Variants in CACNA2D3 observed in about 807,000 individuals in gnomAD.
CACNA2D3 encodes calcium voltage-gated channel auxiliary subunit alpha2delta 3, also known as voltage-dependent calcium channel subunit alpha-2/delta-3.
Under a neutral mutation model 160.6 loss-of-function variants are expected in CACNA2D3, and 60 were observed. That is an observed-to-expected ratio of 0.37 (90% CI 0.30 to 0.46). The LOEUF (loss-of-function observed/expected upper bound fraction) is 0.46. Among genes scored for constraint, CACNA2D3 ranks in the 20% least tolerant of loss-of-function variants. The pLI, the probability that CACNA2D3 is intolerant of heterozygous loss-of-function variation, is 1.00. For synonymous variants in CACNA2D3, 558 were observed against 492.9 expected (o/e 1.13, Z -1.75); for missense variants, 1,205 against 1,365.0 (o/e 0.88, Z 1.85).
At position 54,808,882 on chromosome 3, in the gene CACNA2D3, C is replaced by T. The variant is rs556344310; in HGVS notation, c.1381-7971C>T. Among the ~76,000 whole-genome samples the T allele has an allele frequency of 2.6e-5, 4 of 152,220 alleles. No homozygotes were observed. The East Asian group carries it at 7.7e-4, about 29-fold the overall frequency. On this transcript the variant is annotated intron_variant, in intron 13 of 37. Coordinates refer to ENST00000474759, the MANE Select transcript of CACNA2D3 (RefSeq NM_018398.3). ...CCATGAGGTTGGTGATTACTGTAAC[C>T]TCTCATACGCTATCGGATTGGAGCC...
At chr3:54,496,943 T>C (rs1701212372) in intron 4 of CACNA2D3, among the ~76,000 whole-genome samples, 1 of 152,274 alleles carries the variant, frequency 6.6e-6, no homozygotes, top group East Asian at 1.9e-4. Context: ...CAGCTTTATT[T>C]CTGCACTCTC....
In CACNA2D3 at chr3:54,846,427, A is replaced by G. The variant is rs1452574827; in HGVS notation, c.1586A>G (p.Asn529Ser). 1 of 1,607,478 alleles carries G rather than the reference A, an allele frequency of 6.2e-7. No homozygotes were observed. The highest frequency in any genetic ancestry group is 8.5e-7 in the Non-Finnish European group (1 of 1,176,672). The stretch of plus-strand genomic sequence containing the variant: ...CACGGTTATGCCTTTGCAATCACAA[A>G]TAATGGATATATCCTGACGCATCCG... ...GIHGYAFAIT[N>S]NGYILTHPEL... The change falls in exon 17 of 38, where the codon AAT becomes AGT. Residue 529 changes from asparagine (N) to serine (S), a missense_variant. This residue lies in a region of CACNA2D3 where 911 missense variants were observed against 1,002.2 expected (regional missense o/e 0.91). Coordinates refer to ENST00000474759, the MANE Select transcript of CACNA2D3 (RefSeq NM_018398.3).
chr3:54,784,710 C>G (rs1266300384), intron 13 of CACNA2D3, among the ~76,000 whole-genome samples: 1 of 152,144 alleles, frequency 6.6e-6, no homozygotes, highest in African/African-American at 2.4e-5. Flanking sequence ...GAAGATGGGA[C>G]AAATGAAAAG....
chr3:54,570,144 AT>A, intron 8 of CACNA2D3, 40 bp downstream of exon 8: 3 of 1,599,818 alleles, frequency 1.9e-6, no homozygotes, highest in Non-Finnish European at 1.7e-6. Context: ...ACTTGGGTTC[AT>A]TTGATCTTTT....
At chr3:54,820,173 CTG>C (rs1221103299) in intron 14 of CACNA2D3, among the ~76,000 whole-genome samples, 1 of 152,146 alleles carries the variant, frequency 6.6e-6, no homozygotes, top group African/African-American at 2.4e-5. Context: ...TGCATTTGCG[CTG>C]TGTTTTTGTT....
At chr3:54,242,813 C>T (rs1418144359) in intron 2 of CACNA2D3, among the ~76,000 whole-genome samples, 2 of 152,114 alleles carry the variant, frequency 1.3e-5, no homozygotes, top group Non-Finnish European at 2.9e-5. Flanking sequence ...AAAGCAAAAC[C>T]GTGGATAAGG....
intron 13 of CACNA2D3, among the ~76,000 whole-genome samples, chr3:54,769,166 G>A (rs1702273153): frequency 6.6e-6 from 1 of 152,074 alleles, no homozygotes; most frequent in South Asian, 2.1e-4. Context: ...GAACTCATCT[G>A]CAGAGTCTAA....
At position 54,252,100 on chromosome 3, in the gene CACNA2D3, G is replaced by GTTTTTTTTTTTTTTTTTTTTTTTTTT. The variant is rs548233026; in HGVS notation, c.205-68328_205-68327insTTTTTTTTTTTTTTTTTTTTTTTTTT. ...TCCAATTTCTCTTTTTGCAGAGCTA[G>GTTTTTTTTTTTTTTTTTTTTTTTTTT]TTTTTTTTTTTTTTGTACGATACTC... On this transcript the variant is annotated intron_variant, in intron 2 of 37. Transcript: ENST00000474759. Among the ~76,000 whole-genome samples, 13 of 120,970 alleles carry GTTTTTTTTTTTTTTTTTTTTTTTTTT rather than the reference G, an allele frequency of 1.1e-4. 1 individual carries two copies. The highest frequency in any genetic ancestry group is 3.8e-4 in the African/African-American group (11 of 29,204). The allele number at this position is 120,970 out of a possible 152,430, so 79.4% of individuals were successfully genotyped here.
At chr3:54,933,362 G>A (rs1415554283) in intron 27 of CACNA2D3, among the ~76,000 whole-genome samples, 3 of 152,108 alleles carry the variant, frequency 2.0e-5, no homozygotes, top group Admixed American at 6.5e-5. Context: ...AGGTTGACAG[G>A]GGCCTGGGCT....
chr3:54,569,773 C>T, intron 6 of CACNA2D3, 22 bp from the exon 7 acceptor site: 1 of 1,561,456 alleles, frequency 6.4e-7, no homozygotes, highest in Non-Finnish European at 8.7e-7. Flanking sequence ...CTGGGTTTCT[C>T]ATAACCCCAT....
Position 54,920,059 on chromosome 3 carries a change from C to A in CACNA2D3, c.2449+20191C>A, listed in dbSNP as rs138844107. On this transcript the variant is annotated intron_variant, in intron 27 of 37. Coordinates refer to ENST00000474759, the MANE Select transcript of CACNA2D3 (RefSeq NM_018398.3). ...CTCTCAGGCTGCCATAAGCACCTCCCCTAGGCCAGCCGAAAAGACTGGCAC... is the reference window on the plus strand; with the variant it reads ...CTCTCAGGCTGCCATAAGCACCTCCACTAGGCCAGCCGAAAAGACTGGCAC... 1.9e-3 allele frequency among the ~76,000 whole-genome samples: 286 copies of A among 152,294 alleles called. 2 individuals carry two copies. Among genetic ancestry groups the A allele is most frequent in the African/African-American group, 6.2e-3 (258 of 41,550 alleles).
intron 2 of CACNA2D3, among the ~76,000 whole-genome samples, chr3:54,283,180 G>T (rs1702922225): frequency 6.6e-6 from 1 of 152,202 alleles, no homozygotes; most frequent in Non-Finnish European, 1.5e-5. Flanking sequence ...AAAGAGAATT[G>T]ATAGGGAAGG....
At chr3:54,138,840 TTTG>T (rs1699868030) in intron 2 of CACNA2D3, among the ~76,000 whole-genome samples, 1 of 152,248 alleles carries the variant, frequency 6.6e-6, no homozygotes, top group Admixed American at 6.5e-5. Context: ...GTGTTTGTTT[TTTG>T]TTTTCTGAAG....
At chr3:54,364,849 AATC>A (rs1698802372) in intron 3 of CACNA2D3, among the ~76,000 whole-genome samples, 1 of 152,240 alleles carries the variant, frequency 6.6e-6, no homozygotes, top group South Asian at 2.1e-4. Flanking sequence ...TCAAGTAAAT[AATC>A]ATATTTAGCT....
chr3:54,157,648 G>A (rs186520698), intron 2 of CACNA2D3, among the ~76,000 whole-genome samples: 48 of 152,126 alleles, frequency 3.2e-4, no homozygotes, highest in African/African-American at 1.0e-3. Flanking sequence ...AAAATTAGCC[G>A]AGCATGGTGG....
intron 12 of CACNA2D3, among the ~76,000 whole-genome samples, chr3:54,761,828 T>C (rs1291574312): frequency 6.6e-6 from 1 of 152,178 alleles, no homozygotes; most frequent in African/African-American, 2.4e-5. Context: ...GGTCCCAACC[T>C]GGTTTGGGGT....
At position 54,451,229 on chromosome 3, in the gene CACNA2D3, C is replaced by CTTTTTTTTTT. The variant is rs71074970; in HGVS notation, c.382-52240_382-52231dup. Among the ~76,000 whole-genome samples the CTTTTTTTTTT allele has an allele frequency of 1.1e-3, 59 of 51,754 alleles. 21 individuals are homozygous for CTTTTTTTTTT. Among genetic ancestry groups the CTTTTTTTTTT allele is most frequent in the African/African-American group, 2.6e-3 (30 of 11,608 alleles). The allele number at this position is 51,754 out of a possible 152,430, so 34.0% of individuals were successfully genotyped here. ...TGTCCCTTTCTGCTGATATAATAATCTTTTTTTTTTTTTTTTTTTTTTTTT... is the reference window on the plus strand; with the variant it reads ...TGTCCCTTTCTGCTGATATAATAATCTTTTTTTTTTTTTTTTTTTTTTTTTTTTTTTTTTT... On this transcript the variant is annotated intron_variant, in intron 4 of 37. Coordinates refer to ENST00000474759, the MANE Select transcript of CACNA2D3 (RefSeq NM_018398.3).
At chr3:54,585,393 A>G (rs1386655388) in intron 9 of CACNA2D3, among the ~76,000 whole-genome samples, 1 of 152,246 alleles carries the variant, frequency 6.6e-6, no homozygotes, top group Non-Finnish European at 1.5e-5. Context: ...CTTAAAAAGT[A>G]ACTCATAGGA....
intron 13 of CACNA2D3, among the ~76,000 whole-genome samples, chr3:54,781,830 T>G (rs1046604374): frequency 1.3e-5 from 2 of 152,210 alleles, no homozygotes; most frequent in African/African-American, 4.8e-5. Flanking sequence ...TGATGGCCCC[T>G]TGCATCAGAG....
Sources: gnomAD v4.1 joint callset for allele counts (sites outside exome capture counted in the v4.1 genomes callset) on GRCh38, gnomAD v4.1.1 for gene constraint, gnomAD v4.1.1 regional missense constraint, MANE v1.5 for transcripts, NCBI Gene and HGNC (gene_info 2026-07-23, HGNC 2026-07-21) for gene names.